The following BABAM2 variants were observed in gnomAD, a reference collection of about 807,000 sequenced individuals.
BABAM2 encodes the protein BRISC and BRCA1-A complex member 2.
BABAM2 carries 31 observed loss-of-function variants against 54.7 expected under a neutral mutation model. The observed-to-expected ratio is 0.57, with a 90% CI of 0.43 to 0.77. The LOEUF is 0.77. BABAM2 is among the 30% of genes least tolerant of loss of function. The pLI is 0.00. For missense variants in BABAM2, 364 were observed against 455.8 expected, an observed-to-expected ratio of 0.80 and a Z score of 1.83; for synonymous variants, 167 against 162.9, an observed-to-expected ratio of 1.03 and a Z score of -0.19.
intron 3 of BABAM2, among the ~76,000 whole-genome samples, chr2:27,972,476 C>T (rs1037844802): frequency 2.0e-5 from 3 of 152,170 alleles, no homozygotes; most frequent in Non-Finnish European, 4.4e-5. Context: ...ACCTTCCCTT[C>T]ATTCCCTTTG....
At chr2:28,046,806 A>G (rs917279928) in intron 6 of BABAM2, among the ~76,000 whole-genome samples, 9 of 151,178 alleles carry the variant, frequency 6.0e-5, no homozygotes, top group African/African-American at 1.5e-4. Context: ...TTTTGGAAAC[A>G]TGGTCTTGCT....
At chr2:28,121,844 G>A (rs1333057368) in intron 6 of BABAM2, among the ~76,000 whole-genome samples, 1 of 152,044 alleles carries the variant, frequency 6.6e-6, no homozygotes. Flanking sequence ...GGATATTGGA[G>A]CCTCTAAAAT....
intron 7 of BABAM2, among the ~76,000 whole-genome samples, chr2:28,192,270 G>C (rs537988412): frequency 6.6e-6 from 1 of 152,036 alleles, no homozygotes; most frequent in Non-Finnish European, 1.5e-5. Context: ...TCCTGACCTC[G>C]TGATCTGCCT....
At chr2:28,235,261 T>C (rs1293862074) in intron 7 of BABAM2, among the ~76,000 whole-genome samples, 1 of 152,142 alleles carries the variant, frequency 6.6e-6, no homozygotes, top group Non-Finnish European at 1.5e-5. Context: ...CTGCAACCTC[T>C]ACCTCCTTGG....
rs150719129 is a variant in BABAM2, at chr2:28,162,386, TAAGTAGC to T, written c.680+33007_680+33013del. 9.9e-5 allele frequency among the ~76,000 whole-genome samples: 15 copies of T among 152,278 alleles called. No individual in the cohort carries two copies. In the East Asian group the frequency reaches 1.9e-3, roughly 20 times the overall value. On this transcript the variant is annotated intron_variant, in intron 7 of 11. Coordinates refer to ENST00000379624, the MANE Select transcript of BABAM2 (RefSeq NM_199191.3). The stretch of plus-strand genomic sequence containing the variant: ...TGGATGTGAATCCAGCCTCCAATAC[TAAGTAGC>T]TGGGTATTCTCTTAGCCTCCTTTTT...
chr2:28,276,023 A>G (rs1424851406), intron 10 of BABAM2, among the ~76,000 whole-genome samples: 2 of 137,084 alleles, frequency 1.5e-5, no homozygotes, highest in Non-Finnish European at 3.0e-5. Context: ...AAAAAAAAAG[A>G]AAGAAAGAAA....
At chr2:28,172,083 TGAAA>T (rs1243482328) in intron 7 of BABAM2, among the ~76,000 whole-genome samples, 8 of 102,146 alleles carry the variant, frequency 7.8e-5, no homozygotes, top group South Asian at 3.4e-4. Context: ...TTGTTTTGTT[TGAAA>T]TGTGTGTGTG....
intron 11 of BABAM2, among the ~76,000 whole-genome samples, chr2:28,328,167 GA>G (rs1254621766): frequency 3.3e-5 from 5 of 152,106 alleles, no homozygotes; most frequent in African/African-American, 2.4e-5. Context: ...CCTTTGACAC[GA>G]GGCGAGTAAC....
At chr2:27,938,188 G>C (rs1222998023) in intron 3 of BABAM2, among the ~76,000 whole-genome samples, 2 of 152,112 alleles carry the variant, frequency 1.3e-5, no homozygotes, top group African/African-American at 4.8e-5. Context: ...AGATCAGTAA[G>C]GTCATAGTGT....
intron 6 of BABAM2, among the ~76,000 whole-genome samples, chr2:28,072,543 G>A (rs1298943700): frequency 1.3e-5 from 2 of 152,042 alleles, no homozygotes; most frequent in African/African-American, 2.4e-5. Context: ...CCACCACCAC[G>A]CCTGGCTAAT....
At chr2:28,227,171 T>G (rs1410214777) in intron 7 of BABAM2, among the ~76,000 whole-genome samples, 3 of 152,136 alleles carry the variant, frequency 2.0e-5, no homozygotes, top group Non-Finnish European at 4.4e-5. Flanking sequence ...CATCTCTCAC[T>G]TTACAACTAA....
At chr2:28,044,445 G>A (rs542572585) in intron 5 of BABAM2, among the ~76,000 whole-genome samples, 1 of 152,256 alleles carries the variant, frequency 6.6e-6, no homozygotes. Flanking sequence ...TGGCCAGGCT[G>A]GTCTCGATGT....
intron 10 of BABAM2, among the ~76,000 whole-genome samples, chr2:28,282,997 CAA>C (rs370484850): frequency 9.7e-5 from 7 of 71,938 alleles, no homozygotes; most frequent in African/African-American, 3.6e-4. Context: ...GACTCCGTCC[CAA>C]AAAAAAAAAA....
At chr2:27,989,055 A>C (rs1672596294) in intron 4 of BABAM2, among the ~76,000 whole-genome samples, 2 of 152,154 alleles carry the variant, frequency 1.3e-5, no homozygotes, top group Non-Finnish European at 2.9e-5. Context: ...TATTGTTGGC[A>C]AGAGTAAGGT....
chr2:28,188,154 C>T (rs1474013835), intron 7 of BABAM2, among the ~76,000 whole-genome samples: 1 of 152,120 alleles, frequency 6.6e-6, no homozygotes, highest in Non-Finnish European at 1.5e-5. Flanking sequence ...CCACAATGCC[C>T]GCCTCGTTCA....
At chr2:28,319,483 T>C (rs1689843432) in intron 11 of BABAM2, among the ~76,000 whole-genome samples, 1 of 152,248 alleles carries the variant, frequency 6.6e-6, no homozygotes, top group Non-Finnish European at 1.5e-5. Flanking sequence ...GCGCCTCTTG[T>C]ACCTGGCATG....
chr2:28,250,632 C>G (rs544407479), intron 10 of BABAM2, among the ~76,000 whole-genome samples: 2 of 145,138 alleles, frequency 1.4e-5, no homozygotes, highest in South Asian at 4.3e-4. Flanking sequence ...CGGGGTCTCG[C>G]TCTGTCGCCC....
chr2:28,130,590 C>T (rs1669941982), intron 7 of BABAM2, among the ~76,000 whole-genome samples: 1 of 152,026 alleles, frequency 6.6e-6, no homozygotes, highest in Non-Finnish European at 1.5e-5. Flanking sequence ...GTGGCTAGGA[C>T]TCCAGGTGCC....
At chr2:28,222,885 C>T (rs750792014) in intron 7 of BABAM2, among the ~76,000 whole-genome samples, 17 of 152,208 alleles carry the variant, frequency 1.1e-4, no homozygotes, top group Non-Finnish European at 2.5e-4. Context: ...TTCTAGGCAG[C>T]CTGGACCATG....
Sources: allele counts gnomAD v4.1 joint callset (sites outside exome capture counted in the v4.1 genomes callset), GRCh38; gene constraint gnomAD v4.1.1; transcripts MANE v1.5; gene names NCBI Gene and HGNC (gene_info 2026-07-23, HGNC 2026-07-21).